PITPNM3: variants seen among roughly 807,000 people sequenced by gnomAD.
PITPNM3 encodes the protein membrane-associated phosphatidylinositol transfer protein 3.
Under a neutral mutation model 102.0 loss-of-function variants are expected in PITPNM3, and 26 were observed. The observed-to-expected ratio is 0.25, with a 90% CI of 0.19 to 0.35. The LOEUF (loss-of-function observed/expected upper bound fraction) is 0.35, where lower values mean the gene tolerates loss of function less well. PITPNM3 is among the 10% of genes least tolerant of loss of function. The pLI is 1.00. For synonymous variants in PITPNM3, 578 were observed against 558.6 expected (o/e 1.03, Z -0.49); for missense variants, 1,083 against 1,346.1 (o/e 0.80, Z 3.06).
intron 1 of PITPNM3, among the ~76,000 whole-genome samples, chr17:6,540,571 T>G (rs532645056): frequency 7.2e-5 from 11 of 152,238 alleles, no homozygotes; most frequent in Non-Finnish European, 1.5e-4. Context: ...GGCTCTCTTT[T>G]GTGGTTAAAA....
At chr17:6,509,251 C>T (rs555338001) in intron 3 of PITPNM3, among the ~76,000 whole-genome samples, 2 of 152,174 alleles carry the variant, frequency 1.3e-5, no homozygotes, top group Non-Finnish European at 2.9e-5. Flanking sequence ...ACTCTTCTTC[C>T]AATCCCCTCC....
chr17:6,537,852 A>T lies in PITPNM3; in HGVS notation c.118+135T>A. ...CCCCTGCTCTTGGCACATCCACAGG[A>T]TGGGTAAGTATGGAGTGTGGAGCTG... On this transcript the variant is annotated intron_variant, in intron 2 of 19. Coordinates refer to ENST00000262483, the MANE Select transcript of PITPNM3 (RefSeq NM_031220.4). The surrounding 1 kb of genome is among the most constrained non-coding windows in gnomAD (Gnocchi z 4.4). 1 of 777,692 alleles carries T rather than the reference A, an allele frequency of 1.3e-6. No homozygotes were observed. Among genetic ancestry groups the T allele is most frequent in the South Asian group, 1.5e-5 (1 of 67,946 alleles). 48.2% of individuals were successfully genotyped at this position (777,692 alleles called of 1,614,324 possible).
At chr17:6,547,065 A>C (rs1161400904) in intron 1 of PITPNM3, among the ~76,000 whole-genome samples, 2 of 152,248 alleles carry the variant, frequency 1.3e-5, no homozygotes, top group East Asian at 3.9e-4. Flanking sequence ...GGATTTCCAC[A>C]GCCTCTGCTG....
In PITPNM3 at chr17:6,487,631, A is replaced by C. The variant is rs117376781; in HGVS notation, c.275-3339T>G. Among the ~76,000 whole-genome samples, 1,473 of 152,332 alleles carry C rather than the reference A, an allele frequency of 9.7e-3. 14 individuals carry two copies. The highest frequency in any genetic ancestry group is 0.017 in the Non-Finnish European group (1,139 of 68,026). ...GCTATAAATACATTGCAGGGAAGACATGAGGGTCCTGTTGTCTCCTGGGCA... is the reference window on the plus strand; with the variant it reads ...GCTATAAATACATTGCAGGGAAGACCTGAGGGTCCTGTTGTCTCCTGGGCA... On this transcript the variant is annotated intron_variant, in intron 4 of 19. Transcript: ENST00000262483.
At chr17:6,464,038 AT>A (rs1904635475) in intron 16 of PITPNM3, 131 bp downstream of exon 16, 1 of 1,545,172 alleles carries the variant, frequency 6.5e-7, no homozygotes, top group South Asian at 1.1e-5. Context: ...GACCTCTCCC[AT>A]CCACCTCTGT....
Position 6,463,781 on chromosome 17 carries a change from T to C in PITPNM3, c.2257A>G (p.Ile753Val), listed in dbSNP as rs757785828. 23 of 1,612,702 alleles carry C rather than the reference T, an allele frequency of 1.4e-5. No individual in the cohort carries two copies. In the Admixed American group the frequency reaches 2.7e-4, roughly 19 times the overall value. The stretch of plus-strand genomic sequence containing the variant: ...CGGACCTTGGGGTCGCTTCCCATGA[T>C]AGACACGCTGGCCGCGAAGGACCCA... ...IDGSFAASVS[I>V]MGSDPKVRPG... Residue 753 changes from isoleucine (I) to valine (V), a missense_variant, in exon 17 of 20, where the codon ATC (isoleucine) becomes GTC (valine). Ile to Val is a conservative substitution (Grantham distance 29). Transcript: ENST00000262483.
At position 6,457,733 on chromosome 17, in the gene PITPNM3, G is replaced by T; in HGVS notation, c.2491-11C>A. The T allele has an allele frequency of 6.4e-7, 1 of 1,574,006 alleles. No individual in the cohort carries two copies. Among genetic ancestry groups the T allele is most frequent in the Non-Finnish European group, 8.6e-7 (1 of 1,159,236 alleles). ...GATTTTGATGAAGCACTGAAACACA[G>T]GGCAGGCATAGGGGGAGAGTGAGGC... On this transcript the variant is annotated splice_polypyrimidine_tract_variant and intron_variant, in intron 18 of 19. Coordinates refer to ENST00000262483, the MANE Select transcript of PITPNM3 (RefSeq NM_031220.4). The surrounding 1 kb of genome is among the most constrained non-coding windows in gnomAD (Gnocchi z 4.7).
At chr17:6,544,459 C>G (rs912245638) in intron 1 of PITPNM3, among the ~76,000 whole-genome samples, 1 of 152,068 alleles carries the variant, frequency 6.6e-6, no homozygotes, top group African/African-American at 2.4e-5. Flanking sequence ...TTGAGCCCAG[C>G]AGGTTGAGGC....
intron 3 of PITPNM3, among the ~76,000 whole-genome samples, chr17:6,523,649 A>G (rs1486577708): frequency 6.6e-6 from 1 of 152,240 alleles, no homozygotes; most frequent in African/African-American, 2.4e-5. Flanking sequence ...GGCTACAAGC[A>G]CTATTGTGGG....
chr17:6,543,317 A>G (rs533305750), intron 1 of PITPNM3, among the ~76,000 whole-genome samples: 133 of 152,302 alleles, frequency 8.7e-4, no homozygotes, highest in African/African-American at 2.8e-3. Context: ...CCTCCTGGCC[A>G]TCTTTCCCAC....
intron 3 of PITPNM3, among the ~76,000 whole-genome samples, chr17:6,505,200 A>ATATATATATATATATATATATGTG (rs1567679821): frequency 6.8e-6 from 1 of 147,316 alleles, no homozygotes; most frequent in African/African-American, 2.6e-5. Context: ...AATAAAATAT[A>ATATATATATATATATATATATGTG]TATATATATA....
chr17:6,477,260 G>A (rs373356530), intron 8 of PITPNM3, 47 bp from the exon 9 acceptor site: 2 of 1,587,138 alleles, frequency 1.3e-6, no homozygotes, highest in Admixed American at 1.7e-5. Flanking sequence ...TGTTGTCACG[G>A]GAGACTCTGG....
Position 6,455,307 on chromosome 17 carries a change from C to A in PITPNM3, c.*31G>T. 1.2e-5 allele frequency: 19 copies of A among 1,541,184 alleles called. No individual in the cohort carries two copies. The highest frequency in any genetic ancestry group is 1.7e-5 in the Non-Finnish European group (19 of 1,147,080). ...CCCCGCAGGCAGCCTGATTGGGCCC[C>A]CCGCTCCCTGCTCTGAGCACAGCCC... is the stretch of plus-strand genomic sequence containing the variant. On this transcript the variant is annotated 3_prime_UTR_variant, in exon 20 of 20. Coordinates refer to ENST00000262483, the MANE Select transcript of PITPNM3 (RefSeq NM_031220.4).
In PITPNM3 at chr17:6,471,300, G is replaced by A; in HGVS notation, c.1485C>T (p.Ser495=). ...AGGCAGGGGCATCCAGAAGTGGCGGGCTGTCCCGGGAGCTGCCCTCCAGGA... is the reference window on the plus strand; with the variant it reads ...AGGCAGGGGCATCCAGAAGTGGCGGACTGTCCCGGGAGCTGCCCTCCAGGA... The part of the protein sequence containing the change: ...PLFLEGSSRD[S]PPLLDAPASP... Residue 495 remains serine (S), a synonymous_variant, in exon 12 of 20, where the codon AGC becomes AGT. Coordinates refer to ENST00000262483, the MANE Select transcript of PITPNM3 (RefSeq NM_031220.4). 6.2e-7 allele frequency: 1 copy of A among 1,611,320 alleles called. No individual in the cohort carries two copies. Among genetic ancestry groups the A allele is most frequent in the Non-Finnish European group, 8.5e-7 (1 of 1,179,330 alleles).
chr17:6,491,090 G>A lies in PITPNM3; in HGVS notation c.275-6798C>T, dbSNP rs1254492877. ...GGGAGGGGAGGAAAGGGGAGGGGAAGGGAAGGGAGGGGAGGGGAGGGGAGG... is the reference window on the plus strand; with the variant it reads ...GGGAGGGGAGGAAAGGGGAGGGGAAAGGAAGGGAGGGGAGGGGAGGGGAGG... On this transcript the variant is annotated intron_variant, in intron 4 of 19. Transcript: ENST00000262483. Among the ~76,000 whole-genome samples, 175 of 84,796 alleles carry A rather than the reference G, an allele frequency of 2.1e-3. 1 individual carries two copies. The highest frequency in any genetic ancestry group is 7.6e-3 in the African/African-American group (162 of 21,392). The allele number at this position is 84,796 out of a possible 152,430, so 55.6% of individuals were successfully genotyped here.
chr17:6,495,290 T>C (rs1906732722), intron 4 of PITPNM3, among the ~76,000 whole-genome samples: 1 of 152,170 alleles, frequency 6.6e-6, no homozygotes, highest in South Asian at 2.1e-4. Flanking sequence ...GGTTTTTTTT[T>C]AGATACCAAT....
At position 6,457,798 on chromosome 17, in the gene PITPNM3, G is replaced by A. The variant is rs574485163; in HGVS notation, c.2491-76C>T. The A allele has an allele frequency of 1.4e-5, 21 of 1,539,898 alleles. No individual in the cohort carries two copies. The African/African-American group carries it at 2.7e-4, about 20-fold the overall frequency. On this transcript the variant is annotated intron_variant, in intron 18 of 19. Coordinates refer to ENST00000262483, the MANE Select transcript of PITPNM3 (RefSeq NM_031220.4). The surrounding 1 kb of genome is among the most constrained non-coding windows in gnomAD (Gnocchi z 4.7). ...GAAAGCCTTCCCAGGCCAACCCCAG[G>A]GGGCCCCTGCTTGGGGACCCTTTAT... is the stretch of plus-strand genomic sequence containing the variant.
intron 5 of PITPNM3, 90 bp downstream of exon 5, chr17:6,484,126 G>C: frequency 7.2e-7 from 1 of 1,389,522 alleles, no homozygotes; most frequent in Non-Finnish European, 1.0e-6. Flanking sequence ...CGAAGAGCTG[G>C]AAGAAAACGA....
rs952079643 is a variant in PITPNM3, at chr17:6,457,742, T to C, written c.2491-20A>G. On this transcript the variant is annotated intron_variant, in intron 18 of 19. Transcript: ENST00000262483. The surrounding 1 kb of genome is among the most constrained non-coding windows in gnomAD (Gnocchi z 4.7). ...GAAGCACTGAAACACAGGGCAGGCA[T>C]AGGGGGAGAGTGAGGCCAGCCCACC... The C allele has an allele frequency of 5.7e-6, 9 of 1,568,140 alleles. No homozygotes were observed. The highest frequency in any genetic ancestry group is 1.4e-5 in the African/African-American group (1 of 73,994).
Sources: allele counts gnomAD v4.1 joint callset (sites outside exome capture counted in the v4.1 genomes callset), GRCh38; gene constraint gnomAD v4.1.1; non-coding constraint Gnocchi (gnomAD v3.1); transcripts MANE v1.5; gene names NCBI Gene and HGNC (gene_info 2026-07-23, HGNC 2026-07-21).